Variants in CTBP1 observed in about 807,000 individuals in gnomAD.
CTBP1 encodes C-terminal-binding protein 1.
CTBP1 carries 11 observed loss-of-function variants against 42.1 expected under a neutral mutation model. The ratio of observed to expected loss-of-function variants is 0.26; its 90% confidence interval spans 0.16 to 0.43. The LOEUF is 0.43. Ranked by LOEUF, CTBP1 falls within the 20% of genes least tolerant of loss-of-function variation. The probability of loss-of-function intolerance (pLI) is 1.00; values close to 1 mark genes in which losing one functional copy is unlikely to be tolerated. For missense variants in CTBP1, 399 were observed against 624.3 expected (o/e 0.64, Z 3.85); for synonymous variants, 324 against 277.1 (o/e 1.17, Z -1.68).
In CTBP1 at chr4:1,237,500, C is replaced by T. The variant is rs1280137343; in HGVS notation, c.162+683G>A. On this transcript the variant is annotated intron_variant, in intron 3 of 9. Coordinates refer to ENST00000382952, the MANE Select transcript of CTBP1 (RefSeq NM_001012614.2). ...CTCCTGATGGTGTGCAGGGAAAACC[C>T]CGTGTCCACCTCCTGATGGGGCTTA... is the stretch of plus-strand genomic sequence containing the variant. 7.5e-6 allele frequency: 5 copies of T among 670,554 alleles called. No homozygotes were observed. The African/African-American group carries it at 9.4e-5, about 13-fold the overall frequency. 41.5% of individuals were successfully genotyped at this position (670,554 alleles called of 1,614,324 possible).
intron 1 of CTBP1, among the ~76,000 whole-genome samples, chr4:1,248,361 C>A (rs548777532): frequency 6.6e-6 from 1 of 151,672 alleles, no homozygotes; most frequent in Non-Finnish European, 1.5e-5. Context: ...CACGGTCATA[C>A]CCGGCACCCG....
intron 3 of CTBP1, among the ~76,000 whole-genome samples, chr4:1,231,496 C>T (rs1428874586): frequency 6.6e-6 from 1 of 152,228 alleles, no homozygotes; most frequent in Non-Finnish European, 1.5e-5. Flanking sequence ...AGCTCGGCTG[C>T]CACCGGGCTG....
intron 1 of CTBP1, among the ~76,000 whole-genome samples, chr4:1,248,000 G>A (rs1732918009): frequency 6.6e-6 from 1 of 152,260 alleles, no homozygotes; most frequent in African/African-American, 2.4e-5. Flanking sequence ...CGCCCTTGGA[G>A]GCCGCCAGAG....
At chr4:1,232,038 G>A (rs889977666) in intron 3 of CTBP1, among the ~76,000 whole-genome samples, 1 of 152,252 alleles carries the variant, frequency 6.6e-6, no homozygotes, top group African/African-American at 2.4e-5. Flanking sequence ...ATTGGGAGGA[G>A]TCTTTGAATA....
chr4:1,248,470 G>A (rs1047013532), intron 1 of CTBP1, among the ~76,000 whole-genome samples: 20 of 150,596 alleles, frequency 1.3e-4, no homozygotes, highest in African/African-American at 3.2e-4. Context: ...CGCGCCCCAG[G>A]ACACCCCGAG....
intron 6 of CTBP1, chr4:1,215,740 TTGG>T: frequency 1.8e-6 from 1 of 542,124 alleles, no homozygotes; most frequent in Non-Finnish European, 3.3e-6. Context: ...TCAGGGGAAT[TTGG>T]TGTTCAAAGG....
At chr4:1,237,081 C>T (rs560933519) in intron 3 of CTBP1, 53 of 647,186 alleles carry the variant, frequency 8.2e-5, no homozygotes, top group South Asian at 1.6e-4. Context: ...GGGAAAACCC[C>T]GTGTCCACCT....
chr4:1,217,403 G>A (rs1265712481), intron 5 of CTBP1: 1 of 152,348 alleles, frequency 6.6e-6, no homozygotes, highest in Non-Finnish European at 1.5e-5. Context: ...CAGCAGTTCT[G>A]AGGGTTGCAG....
chr4:1,242,687 A>T (rs1174094305), intron 1 of CTBP1: 1 of 985,294 alleles, frequency 1.0e-6, no homozygotes, highest in Non-Finnish European at 1.2e-6. Flanking sequence ...AGGGCCCAAG[A>T]GCAACACTGT....
intron 5 of CTBP1, among the ~76,000 whole-genome samples, chr4:1,224,556 C>T (rs750918763): frequency 6.9e-6 from 1 of 144,902 alleles, no homozygotes; most frequent in Admixed American, 6.8e-5. Context: ...GTGAGGCCCA[C>T]GTGTGTGCTG....
At chr4:1,248,557 G>C (rs1454812185) in intron 1 of CTBP1, 1 of 448,990 alleles carries the variant, frequency 2.2e-6, no homozygotes, top group South Asian at 9.3e-5. Flanking sequence ...GTAGCGGCCG[G>C]GGATCGGGAC....
At chr4:1,230,145 C>A (rs1730808619) in intron 3 of CTBP1, among the ~76,000 whole-genome samples, 1 of 151,858 alleles carries the variant, frequency 6.6e-6, no homozygotes, top group South Asian at 2.1e-4. Flanking sequence ...GACGGGGTGA[C>A]CCCTGGTGCA....
At chr4:1,228,492 T>G in intron 3 of CTBP1, 149 bp from the exon 4 acceptor site, 1 of 1,010,898 alleles carries the variant, frequency 9.9e-7, no homozygotes, top group Non-Finnish European at 1.4e-6. Context: ...AGAGGCTACA[T>G]GAAGGCTTCC....
intron 3 of CTBP1, among the ~76,000 whole-genome samples, chr4:1,232,336 G>C (rs1731046758): frequency 6.6e-6 from 1 of 152,174 alleles, no homozygotes; most frequent in South Asian, 2.1e-4. Flanking sequence ...TTTTGAGACA[G>C]AGTCTTGCTC....
chr4:1,241,667 G>A, intron 1 of CTBP1, 148 bp from the exon 2 acceptor site: 1 of 1,298,032 alleles, frequency 7.7e-7, no homozygotes, highest in Non-Finnish European at 9.9e-7. Flanking sequence ...TCGGGGGCCT[G>A]CTGACAGCCA....
intron 1 of CTBP1, 49 bp downstream of exon 1, chr4:1,248,867 C>T: frequency 1.1e-6 from 1 of 927,884 alleles, no homozygotes; most frequent in Non-Finnish European, 1.3e-6. Context: ...GGCACCCGCC[C>T]CGCCCCGCCC....
At chr4:1,244,943 G>A (rs777546981) in intron 1 of CTBP1, 53 of 985,290 alleles carry the variant, frequency 5.4e-5, no homozygotes, top group Non-Finnish European at 5.9e-5. Flanking sequence ...GCCACCTGCC[G>A]CCCAGAGAAA....
intron 1 of CTBP1, chr4:1,242,559 T>A (rs1732289029): frequency 4.1e-6 from 4 of 985,320 alleles, no homozygotes; most frequent in Non-Finnish European, 3.6e-6. Flanking sequence ...ATGCCGACCA[T>A]CTCCAGCTTC....
chr4:1,241,748 G>A (rs1363412263), intron 1 of CTBP1: 29 of 1,195,218 alleles, frequency 2.4e-5, no homozygotes, highest in Non-Finnish European at 2.6e-5. Flanking sequence ...CCGAGGCCGC[G>A]CCCCTGTGGC....
Sources: allele counts gnomAD v4.1 joint callset (sites outside exome capture counted in the v4.1 genomes callset), GRCh38; gene constraint gnomAD v4.1.1; transcripts MANE v1.5; gene names NCBI Gene and HGNC (gene_info 2026-07-23, HGNC 2026-07-21).